The following HPN variants were observed in gnomAD, a reference collection of about 807,000 sequenced individuals.
HPN encodes hepsin, also known as serine protease hepsin.
A neutral mutation model predicts 55.9 loss-of-function variants in HPN; 13 were observed. The observed-to-expected ratio is 0.23, with a 90% confidence interval of 0.15 to 0.37. The LOEUF is 0.37. HPN is among the 10% of genes least tolerant of loss of function. HPN has a pLI of 1.00. For synonymous variants in HPN, 225 were observed against 240.3 expected (o/e 0.94, Z 0.59); for missense variants, 451 against 575.8 (o/e 0.78, Z 2.22).
intron 4 of HPN, among the ~76,000 whole-genome samples, chr19:35,056,816 C>G (rs1406940688): frequency 1.3e-5 from 2 of 152,174 alleles, no homozygotes; most frequent in African/African-American, 4.8e-5. Flanking sequence ...AATGAATACT[C>G]CATCCTCTGC....
At position 35,060,759 on chromosome 19, in the gene HPN, C is replaced by T. The variant is rs779672765; in HGVS notation, c.753C>T (p.Ser251=). The change falls in exon 9 of 13, where the codon AGC becomes AGT. Residue 251 remains serine (S), a synonymous_variant. Transcript: ENST00000672452. ...ATCTTCCCTTTCGGGACCCCAACAG[C>T]GAGGAGAACAGCAACGATATTGCCC... is the stretch of plus-strand genomic sequence containing the variant. The part of the protein sequence containing the change: ...GGYLPFRDPN[S]EENSNDIALV... 21 of 1,612,648 alleles carry T rather than the reference C, an allele frequency of 1.3e-5. No individual in the cohort carries two copies. Among genetic ancestry groups the T allele is most frequent in the South Asian group, 4.4e-5 (4 of 90,858 alleles).
chr19:35,047,403 G>C (rs574270016), intron 2 of HPN, among the ~76,000 whole-genome samples: 1 of 152,330 alleles, frequency 6.6e-6, no homozygotes, highest in South Asian at 2.1e-4. Context: ...GCTTAGCTCA[G>C]AAGTCTCCTC....
rs1332418489 is a variant in HPN at position 35,065,363 on chromosome 19, C to A, written c.907+18C>A. The A allele has an allele frequency of 3.7e-6, 6 of 1,600,378 alleles. No homozygotes were observed. On this transcript the variant is annotated intron_variant, in intron 10 of 12. Transcript: ENST00000672452. ...GTACTATGGTGAGTCCTGTCCTCTG[C>A]CTCTGATGCCACCGTTTGGGAGACT... is the stretch of plus-strand genomic sequence containing the variant.
intron 4 of HPN, among the ~76,000 whole-genome samples, chr19:35,053,618 G>A (rs1459099723): frequency 6.6e-6 from 1 of 152,238 alleles, no homozygotes; most frequent in Non-Finnish European, 1.5e-5. Context: ...GGTGGCTGGT[G>A]CCTGTAATCC....
Position 35,061,804 on chromosome 19 carries a change from G to A in HPN, c.811+987G>A, listed in dbSNP as rs77901720. 4.2e-3 allele frequency among the ~76,000 whole-genome samples: 632 copies of A among 152,228 alleles called. 4 individuals are homozygous for A. Among genetic ancestry groups the A allele is most frequent in the Non-Finnish European group, 5.6e-3 (383 of 68,024 alleles). On this transcript the variant is annotated intron_variant, in intron 9 of 12. Transcript: ENST00000672452. ...TACAAGGCTGGGCACGGTGGCTCAC[G>A]CCTGTAATCCTGGCACTCTGGGCAG...
chr19:35,040,870 G>C (rs2064286380), upstream of HPN, among the ~76,000 whole-genome samples: 1 of 152,202 alleles, frequency 6.6e-6, no homozygotes, highest in African/African-American at 2.4e-5. Flanking sequence ...GGTTTGGCTG[G>C]GCACAGCGGG....
chr19:35,050,299 T>G (rs570085670), intron 4 of HPN: 1 of 383,010 alleles, frequency 2.6e-6, no homozygotes, highest in Non-Finnish European at 5.2e-6. Context: ...ATTTTTTGTA[T>G]TTTTAGTAGA....
At chr19:35,060,018 T>G (rs1600393223) in intron 6 of HPN, 22 bp downstream of exon 6, 1 of 1,604,068 alleles carries the variant, frequency 6.2e-7, no homozygotes, top group South Asian at 1.1e-5. Context: ...AGCGGGCAGG[T>G]GGGGCAACAC....
At chr19:35,060,222 T>C in intron 7 of HPN, 53 bp downstream of exon 7, 1 of 1,610,368 alleles carries the variant, frequency 6.2e-7, no homozygotes, top group Non-Finnish European at 8.5e-7. Context: ...GGAGGCCACG[T>C]CCCCTCAAGC....
intron 2 of HPN, among the ~76,000 whole-genome samples, chr19:35,046,596 C>T (rs893805371): frequency 3.3e-5 from 5 of 152,140 alleles, no homozygotes; most frequent in Non-Finnish European, 7.3e-5. Flanking sequence ...CAGGAAGGTC[C>T]TAGACCACTC....
At chr19:35,047,147 C>T (rs1486930051) in intron 2 of HPN, among the ~76,000 whole-genome samples, 1 of 152,194 alleles carries the variant, frequency 6.6e-6, no homozygotes, top group East Asian at 1.9e-4. Context: ...CTTTTAATCT[C>T]CAGGACCTCT....
At chr19:35,042,058 A>C in intron 1 of HPN, 186 bp downstream of exon 1, 1 of 1,133,142 alleles carries the variant, frequency 8.8e-7, no homozygotes, top group South Asian at 1.8e-5. Flanking sequence ...CAGCCGTTGG[A>C]CCCCAGTCCT....
intron 1 of HPN, chr19:35,042,096 C>T (rs923722345): frequency 6.3e-6 from 7 of 1,112,194 alleles, no homozygotes; most frequent in Non-Finnish European, 7.8e-6. Context: ...GAGTTCCAGC[C>T]CTCAGGCCCC....
At position 35,060,490 on chromosome 19, in the gene HPN, A is replaced by G; in HGVS notation, c.598A>G (p.Thr200Ala). The change falls in exon 8 of 13, where the codon ACA (threonine) becomes GCA (alanine). Residue 200 changes from threonine to alanine, a missense_variant. Coordinates refer to ENST00000672452, the MANE Select transcript of HPN (RefSeq NM_001384133.1). ...GSLLSGDWVL[T>A]AAHCFPERNR... is the part of the protein sequence containing the mutation. Reference sequence around the variant, plus strand: ...CCTGCTCTCCGGGGACTGGGTGCTGACAGCCGCCCACTGCTTCCCGGAGTG... The same window carrying G: ...CCTGCTCTCCGGGGACTGGGTGCTGGCAGCCGCCCACTGCTTCCCGGAGTG... 6.2e-7 allele frequency: 1 copy of G among 1,613,088 alleles called. No individual in the cohort carries two copies. Among genetic ancestry groups the G allele is most frequent in the Non-Finnish European group, 8.5e-7 (1 of 1,179,886 alleles).
At chr19:35,060,859 C>A in intron 9 of HPN, 42 bp downstream of exon 9, 1 of 1,504,998 alleles carries the variant, frequency 6.6e-7, no homozygotes. Flanking sequence ...GGACCCGAGG[C>A]CAGGAGGACA....
chr19:35,061,973 A>C (rs1433980494), intron 9 of HPN, among the ~76,000 whole-genome samples: 1 of 152,026 alleles, frequency 6.6e-6, no homozygotes, highest in African/African-American at 2.4e-5. Context: ...CAGGAGGATC[A>C]CTTGAGCCCA....
chr19:35,049,641 G>A lies in HPN; in HGVS notation c.160+125G>A. On this transcript the variant is annotated intron_variant, in intron 4 of 12. Coordinates refer to ENST00000672452, the MANE Select transcript of HPN (RefSeq NM_001384133.1). The stretch of plus-strand genomic sequence containing the variant: ...ATGCAGAAATGCTAATCATAATAGT[G>A]CATTTGTATTGAGTGCCTGCTATGT... 7 of 918,668 alleles carry A rather than the reference G, an allele frequency of 7.6e-6. No individual in the cohort carries two copies. The Admixed American group carries it at 1.5e-4, about 20-fold the overall frequency. The allele number at this position is 918,668 out of a possible 1,614,324, so 56.9% of individuals were successfully genotyped here. A position where few individuals can be genotyped will look rare whatever the true frequency, so the allele number is the denominator to read the frequency against.
chr19:35,060,751 C>A lies in HPN; in HGVS notation c.745C>A (p.Pro249Thr), dbSNP rs769774242. Reference protein sequence around the residue: ...YHGGYLPFRDPNSEENSNDIA... With the variant: ...YHGGYLPFRDTNSEENSNDIA... ...CGGGGGCTATCTTCCCTTTCGGGAC[C>A]CCAACAGCGAGGAGAACAGCAACGA... The change falls in exon 9 of 13, where the codon CCC becomes ACC. Residue 249 changes from proline (P) to threonine (T), a missense_variant. By Grantham distance (38) the Pro-to-Thr change is conservative. Around this residue, in one of 2 missense-constraint regions of HPN, gnomAD observed 378 missense variants for 445.5 expected, o/e 0.85. Transcript: ENST00000672452. 1 of 1,613,520 alleles carries A rather than the reference C, an allele frequency of 6.2e-7. No individual in the cohort carries two copies.
upstream of HPN, among the ~76,000 whole-genome samples, chr19:35,040,792 C>T (rs902033852): frequency 5.9e-5 from 9 of 152,140 alleles, no homozygotes; most frequent in African/African-American, 2.2e-4. Flanking sequence ...CAGAGGAAGC[C>T]AGGCTAAACC....
Sources: allele counts gnomAD v4.1 joint callset (sites outside exome capture counted in the v4.1 genomes callset), GRCh38; gene constraint gnomAD v4.1.1; regional missense constraint gnomAD v4.1.1; transcripts MANE v1.5; gene names NCBI Gene and HGNC (gene_info 2026-07-23, HGNC 2026-07-21).